Variants in AFG3L2 observed in about 807,000 individuals in gnomAD.
The protein encoded by AFG3L2 is mitochondrial inner membrane m-AAA protease component AFG3L2.
A neutral mutation model predicts 94.5 loss-of-function variants in AFG3L2; 54 were observed. That is an observed-to-expected ratio of 0.57 (90% CI 0.46 to 0.72). The LOEUF (loss-of-function observed/expected upper bound fraction) is 0.72, where lower values mean the gene tolerates loss of function less well. AFG3L2 is among the 30% of genes least tolerant of loss of function. AFG3L2 has a pLI of 0.00. For missense variants in AFG3L2, 754 were observed against 994.9 expected (o/e 0.76, Z 3.26); for synonymous variants, 377 against 365.5 (o/e 1.03, Z -0.36).
At chr18:12,335,099 A>G (rs1175013183) in intron 16 of AFG3L2, among the ~76,000 whole-genome samples, 1 of 152,004 alleles carries the variant, frequency 6.6e-6, no homozygotes, top group Non-Finnish European at 1.5e-5. Flanking sequence ...GGCCTCCCTC[A>G]CTCATTGCTC....
chr18:12,332,983 ATATAT>A lies in AFG3L2; in HGVS notation c.2176-3205_2176-3201del, dbSNP rs1465915326. Among the ~76,000 whole-genome samples the A allele has an allele frequency of 2.6e-3, 294 of 114,076 alleles. 1 individual carries two copies. The highest frequency in any genetic ancestry group is 3.7e-3 in the Non-Finnish European group (225 of 60,276). The allele number at this position is 114,076 out of a possible 152,430, so 74.8% of individuals were successfully genotyped here. On this transcript the variant is annotated intron_variant, in intron 16 of 16. Coordinates refer to ENST00000269143, the MANE Select transcript of AFG3L2 (RefSeq NM_006796.3). ...CTATAATATATTATATATTATATAA[ATATAT>A]TATATAAATTATATATAATATAAAA...
chr18:12,331,243 G>A (rs1907514149), intron 16 of AFG3L2, among the ~76,000 whole-genome samples: 1 of 152,162 alleles, frequency 6.6e-6, no homozygotes, highest in Admixed American at 6.5e-5. Context: ...TAGGTGTGCG[G>A]CAGGTGTAGC....
At chr18:12,340,756 TGGCTA>T (rs1332441197) in intron 14 of AFG3L2, among the ~76,000 whole-genome samples, 1 of 151,902 alleles carries the variant, frequency 6.6e-6, no homozygotes, top group East Asian at 1.9e-4. Context: ...CCACCAGGCC[TGGCTA>T]ATTTTTTATT....
intron 15 of AFG3L2, among the ~76,000 whole-genome samples, chr18:12,339,702 A>G (rs1907879858): frequency 6.6e-6 from 1 of 151,180 alleles, no homozygotes; most frequent in Admixed American, 6.6e-5. Flanking sequence ...CAAAAAAATC[A>G]GCCAGGCGTG....
chr18:12,329,246 T>C lies in AFG3L2; in HGVS notation c.*319A>G. 1 of 701,986 alleles carries C rather than the reference T, an allele frequency of 1.4e-6. No homozygotes were observed. Among genetic ancestry groups the C allele is most frequent in the South Asian group, 1.5e-5 (1 of 67,546 alleles). The allele number at this position is 701,986 out of a possible 1,614,324, so 43.5% of individuals were successfully genotyped here. A position where few individuals can be genotyped will look rare whatever the true frequency, so the allele number is the denominator to read the frequency against. ...GCCAAGAGTCCAGTGCAACGATCCCTGCCACACGGTCAGCCGACCCCACTT... is the reference window on the plus strand; with the variant it reads ...GCCAAGAGTCCAGTGCAACGATCCCCGCCACACGGTCAGCCGACCCCACTT... On this transcript the variant is annotated 3_prime_UTR_variant, in exon 17 of 17. Transcript: ENST00000269143.
intron 1 of AFG3L2, among the ~76,000 whole-genome samples, chr18:12,376,655 G>A (rs1454627784): frequency 6.6e-6 from 1 of 152,224 alleles, no homozygotes; most frequent in African/African-American, 2.4e-5. Flanking sequence ...CCGTGCTCCG[G>A]GGACACGAAA....
At chr18:12,359,081 G>C (rs1207693876) in intron 7 of AFG3L2, 138 bp from the exon 8 acceptor site, 2 of 1,285,888 alleles carry the variant, frequency 1.6e-6, no homozygotes, top group Non-Finnish European at 2.2e-6. Flanking sequence ...AGGGTAACTT[G>C]CAAGTGTTCT....
At chr18:12,333,366 T>A (rs1381600452) in intron 16 of AFG3L2, among the ~76,000 whole-genome samples, 4 of 130,800 alleles carry the variant, frequency 3.1e-5, no homozygotes, top group African/African-American at 5.7e-5. Context: ...ATATATATAT[T>A]TTTTCCCCCT....
intron 2 of AFG3L2, among the ~76,000 whole-genome samples, chr18:12,371,289 G>C (rs576898579): frequency 7.3e-5 from 11 of 150,790 alleles, no homozygotes; most frequent in Non-Finnish European, 1.6e-4. Context: ...ACTCCAACCT[G>C]GGCGACAAGA....
chr18:12,366,556 G>T (rs1908813404), intron 5 of AFG3L2, among the ~76,000 whole-genome samples: 1 of 152,112 alleles, frequency 6.6e-6, no homozygotes, highest in Non-Finnish European at 1.5e-5. Flanking sequence ...CCCACAGAGG[G>T]CCCAAAGAGG....
At position 12,332,960 on chromosome 18, in the gene AFG3L2, ATAAT is replaced by A. The variant is rs1338034064; in HGVS notation, c.2176-3181_2176-3178del. Among the ~76,000 whole-genome samples, 5 of 19,904 alleles carry A rather than the reference ATAAT, an allele frequency of 2.5e-4. No homozygotes were observed. The East Asian group carries it at 7.9e-3, about 31-fold the overall frequency. 13.1% of individuals were successfully genotyped at this position (19,904 alleles called of 152,430 possible). The stretch of plus-strand genomic sequence containing the variant: ...TATAACATATAATATATTATATACT[ATAAT>A]ATATTATATATTATATAAATATATT... On this transcript the variant is annotated intron_variant, in intron 16 of 16. Transcript: ENST00000269143.
At chr18:12,344,633 C>T (rs925226107) in intron 13 of AFG3L2, among the ~76,000 whole-genome samples, 5 of 151,182 alleles carry the variant, frequency 3.3e-5, no homozygotes, top group African/African-American at 9.7e-5. Flanking sequence ...GAGATCATGC[C>T]GCTGCACTCC....
chr18:12,375,064 AAAAAAAAG>A (rs1182184239), intron 1 of AFG3L2, among the ~76,000 whole-genome samples: 1 of 151,352 alleles, frequency 6.6e-6, no homozygotes, highest in African/African-American at 2.4e-5. Flanking sequence ...TCAAAAAAAA[AAAAAAAAG>A]AAAAGAAAAG....
chr18:12,372,156 T>C (rs995079484), intron 1 of AFG3L2, among the ~76,000 whole-genome samples: 4 of 151,938 alleles, frequency 2.6e-5, no homozygotes, highest in East Asian at 1.9e-4. Context: ...ATACAAAAAT[T>C]AGCCAGGCAC....
intron 16 of AFG3L2, among the ~76,000 whole-genome samples, chr18:12,333,086 AT>A (rs1907617115): frequency 1.0e-5 from 1 of 96,858 alleles, no homozygotes. Context: ...CTATTATATA[AT>A]AGATTATAAT....
At chr18:12,350,566 T>G (rs1020110220) in intron 12 of AFG3L2, among the ~76,000 whole-genome samples, 1 of 152,238 alleles carries the variant, frequency 6.6e-6, no homozygotes, top group African/African-American at 2.4e-5. Context: ...AATTAGTAAT[T>G]GTTCCTGAAA....
intron 14 of AFG3L2, chr18:12,342,419 T>G (rs1907982497): frequency 6.6e-6 from 1 of 152,250 alleles, no homozygotes; most frequent in African/African-American, 2.4e-5. Context: ...TATTGAGTTC[T>G]AAGAGTTCTT....
chr18:12,376,927 C>T (rs1280583447), intron 1 of AFG3L2, 42 bp downstream of exon 1: 3 of 1,353,556 alleles, frequency 2.2e-6, no homozygotes, highest in South Asian at 1.6e-5. Flanking sequence ...GAAGTGGGCC[C>T]GAGGCAGGGT....
chr18:12,368,725 C>T (rs1268365872), intron 3 of AFG3L2, among the ~76,000 whole-genome samples: 1 of 152,020 alleles, frequency 6.6e-6, no homozygotes, highest in Non-Finnish European at 1.5e-5. Flanking sequence ...CTCAGCCTCC[C>T]AAGTAGTTGG....
Sources: gnomAD v4.1 joint callset for allele counts (sites outside exome capture counted in the v4.1 genomes callset) on GRCh38, gnomAD v4.1.1 for gene constraint, MANE v1.5 for transcripts, NCBI Gene and HGNC (gene_info 2026-07-23, HGNC 2026-07-21) for gene names.